FHIT: variants seen among roughly 807,000 people sequenced by gnomAD.
FHIT encodes the protein fragile histidine triad diadenosine triphosphatase.
Under a neutral mutation model 17.9 loss-of-function variants are expected in FHIT, and 19 were observed. That is an observed-to-expected ratio of 1.06 (90% CI 0.74 to 1.56). FHIT has a LOEUF of 1.56. FHIT is among the 40% of genes most tolerant of loss of function. The pLI is 0.00. For missense variants in FHIT, 248 were observed against 189.2 expected, an observed-to-expected ratio of 1.31 and a Z score of -1.82; for synonymous variants, 81 against 69.7, an observed-to-expected ratio of 1.16 and a Z score of -0.81.
intron 8 of FHIT, among the ~76,000 whole-genome samples, chr3:59,850,088 T>A (rs1559660656): frequency 6.6e-6 from 1 of 152,218 alleles, no homozygotes; most frequent in Non-Finnish European, 1.5e-5. Context: ...CCCTGCATGC[T>A]GGTAGTTAAT....
At chr3:60,199,784 CTA>C (rs1213264680) in intron 5 of FHIT, among the ~76,000 whole-genome samples, 4 of 151,962 alleles carry the variant, frequency 2.6e-5, no homozygotes, top group African/African-American at 9.7e-5. Flanking sequence ...AAGAAGAAAC[CTA>C]TGAGAACTCT....
At chr3:60,258,063 A>AACACAC (rs771015313) in intron 5 of FHIT, among the ~76,000 whole-genome samples, 14 of 52,126 alleles carry the variant, frequency 2.7e-4, no homozygotes, top group African/African-American at 9.1e-4. Flanking sequence ...TTGGAAATTA[A>AACACAC]ATACACACAC....
At chr3:60,832,011 A>G (rs1168129444) in intron 3 of FHIT, among the ~76,000 whole-genome samples, 2 of 152,090 alleles carry the variant, frequency 1.3e-5, no homozygotes, top group Non-Finnish European at 2.9e-5. Flanking sequence ...TAACAACACT[A>G]CTTACCTTAC....
intron 8 of FHIT, among the ~76,000 whole-genome samples, chr3:59,817,455 C>A (rs1575543226): frequency 6.7e-6 from 1 of 150,222 alleles, no homozygotes; most frequent in Non-Finnish European, 1.5e-5. Context: ...GCTATGACAT[C>A]AGGGAGGCTG....
chr3:61,220,749 A>C (rs1177661696), intron 1 of FHIT, among the ~76,000 whole-genome samples: 2 of 152,226 alleles, frequency 1.3e-5, no homozygotes, highest in African/African-American at 2.4e-5. Context: ...CACTATTACT[A>C]GGAATGAAAA....
intron 5 of FHIT, among the ~76,000 whole-genome samples, chr3:60,055,157 C>T (rs144544972): frequency 3.2e-4 from 48 of 152,234 alleles, no homozygotes; most frequent in Admixed American, 1.1e-3. Flanking sequence ...AAGAAGGGTA[C>T]CCTTGACTGC....
At chr3:61,217,866 T>A (rs1576245167) in intron 1 of FHIT, among the ~76,000 whole-genome samples, 1 of 152,354 alleles carries the variant, frequency 6.6e-6, no homozygotes, top group East Asian at 1.9e-4. Flanking sequence ...TTACTAAATA[T>A]GATTTTTAAA....
chr3:60,323,575 G>A (rs978352771), intron 5 of FHIT, among the ~76,000 whole-genome samples: 7 of 152,100 alleles, frequency 4.6e-5, no homozygotes. Flanking sequence ...CACAGGGAGA[G>A]GAGGAAATCC....
At chr3:60,368,084 A>G (rs958691125) in intron 5 of FHIT, among the ~76,000 whole-genome samples, 3 of 152,070 alleles carry the variant, frequency 2.0e-5, no homozygotes, top group African/African-American at 7.2e-5. Context: ...AATCTTTACA[A>G]GTAAAGTGAC....
chr3:60,792,886 C>T (rs943883476), intron 4 of FHIT, among the ~76,000 whole-genome samples: 2 of 151,474 alleles, frequency 1.3e-5, no homozygotes, highest in African/African-American at 4.9e-5. Context: ...CAAAATGAGC[C>T]CCAGAAGTTG....
At chr3:60,037,126 T>C (rs17061913) in intron 5 of FHIT, among the ~76,000 whole-genome samples, 1,559 of 152,318 alleles carry the variant, frequency 0.01, 23 homozygotes, top group African/African-American at 0.034. Flanking sequence ...ACAACCAACA[T>C]TGAAGTTTTA....
At chr3:59,784,433 A>T (rs1702744615) in intron 8 of FHIT, among the ~76,000 whole-genome samples, 1 of 152,176 alleles carries the variant, frequency 6.6e-6, no homozygotes, top group Admixed American at 6.5e-5. Context: ...TTTTCGGATA[A>T]AATCCCAACT....
chr3:60,239,382 T>A (rs142152970), intron 5 of FHIT, among the ~76,000 whole-genome samples: 4 of 152,034 alleles, frequency 2.6e-5, no homozygotes, highest in African/African-American at 9.7e-5. Context: ...CTGGGCAACA[T>A]AGGGGGACCC....
At chr3:59,825,943 T>C (rs1700962623) in intron 8 of FHIT, among the ~76,000 whole-genome samples, 1 of 152,200 alleles carries the variant, frequency 6.6e-6, no homozygotes. Flanking sequence ...CCATCATTTA[T>C]AGTAATGTCC....
In FHIT at chr3:59,983,800, T is replaced by C. The variant is rs192081775; in HGVS notation, c.279+27571A>G. On this transcript the variant is annotated intron_variant, in intron 7 of 9. Coordinates refer to ENST00000492590, the MANE Select transcript of FHIT (RefSeq NM_002012.4). The stretch of plus-strand genomic sequence containing the variant: ...CCCCATTAGTACCAGAAAATCCCTA[T>C]ATTAGCAAAGACAGGGACCTGATTT... Among the ~76,000 whole-genome samples the C allele has an allele frequency of 3.3e-4, 50 of 152,158 alleles. 1 individual carries two copies. The East Asian group carries it at 9.5e-3, about 29-fold the overall frequency.
intron 1 of FHIT, among the ~76,000 whole-genome samples, chr3:61,235,638 G>C (rs938811065): frequency 6.6e-6 from 1 of 151,802 alleles, no homozygotes; most frequent in African/African-American, 2.4e-5. Flanking sequence ...GGAGGCGGAG[G>C]TTGCAGTGAG....
At chr3:60,368,357 C>T (rs569265257) in intron 5 of FHIT, among the ~76,000 whole-genome samples, 3 of 151,964 alleles carry the variant, frequency 2.0e-5, no homozygotes, top group African/African-American at 7.2e-5. Flanking sequence ...TATCTCATTC[C>T]TGTTTTGAAT....
chr3:60,095,660 A>G (rs148342161), intron 5 of FHIT, among the ~76,000 whole-genome samples: 35 of 152,322 alleles, frequency 2.3e-4, no homozygotes, highest in African/African-American at 6.7e-4. Flanking sequence ...AGCTATTTCA[A>G]TACAGATGTT....
At chr3:59,836,316 A>G (rs886090681) in intron 8 of FHIT, among the ~76,000 whole-genome samples, 1 of 152,194 alleles carries the variant, frequency 6.6e-6, no homozygotes, top group African/African-American at 2.4e-5. Context: ...TGCACAAGGA[A>G]GAAAATGAGC....
Sources: allele counts gnomAD v4.1 joint callset (sites outside exome capture counted in the v4.1 genomes callset), GRCh38; gene constraint gnomAD v4.1.1; transcripts MANE v1.5; gene names NCBI Gene and HGNC (gene_info 2026-07-23, HGNC 2026-07-21).